The following ARID3A variants were observed in gnomAD, a reference collection of about 807,000 sequenced individuals.
ARID3A encodes the protein AT-rich interaction domain 3A, also known as AT-rich interactive domain-containing protein 3A.
In ARID3A, 11 loss-of-function variants were observed where a neutral mutation model predicts 52.7. The observed-to-expected ratio is 0.21, with a 90% CI of 0.13 to 0.35. ARID3A has a LOEUF of 0.35. ARID3A is among the 10% of genes least tolerant of loss of function. ARID3A has a pLI of 1.00. For synonymous variants in ARID3A, 404 were observed against 359.4 expected (o/e 1.12, Z -1.40); for missense variants, 721 against 838.5 (o/e 0.86, Z 1.73).
intron 3 of ARID3A, among the ~76,000 whole-genome samples, chr19:952,983 T>C (rs972030041): frequency 3.3e-4 from 50 of 152,296 alleles, no homozygotes; most frequent in African/African-American, 1.1e-3. Context: ...AGGGGCCGCA[T>C]GTGCTGGCCC....
At position 929,433 on chromosome 19, in the gene ARID3A, C is replaced by T. The variant is rs1336855384; in HGVS notation, c.-96C>T. ...CGCGGCCCCCACGCTGCAGTGCGGC[C>T]GGGCCCCCTCCCCGCAGGGGCCGCC... On this transcript the variant is annotated 5_prime_UTR_variant, in exon 2 of 9. Coordinates refer to ENST00000263620, the MANE Select transcript of ARID3A (RefSeq NM_005224.3). The surrounding 1 kb of genome is among the most constrained non-coding windows in gnomAD (Gnocchi z 6.2). 4.9e-6 allele frequency: 6 copies of T among 1,233,360 alleles called. No individual in the cohort carries two copies. Among genetic ancestry groups the T allele is most frequent in the Admixed American group, 4.2e-5 (1 of 24,030 alleles). The allele number at this position is 1,233,360 out of a possible 1,614,324, so 76.4% of individuals were successfully genotyped here. A position where few individuals can be genotyped will look rare whatever the true frequency, so the allele number is the denominator to read the frequency against.
chr19:948,322 C>T (rs891078905), intron 3 of ARID3A, among the ~76,000 whole-genome samples: 7 of 152,018 alleles, frequency 4.6e-5, no homozygotes, highest in Non-Finnish European at 8.8e-5. Context: ...CTGACAGCCC[C>T]GTGTGGCTGG....
chr19:961,134 G>A (rs1313740288), intron 4 of ARID3A, among the ~76,000 whole-genome samples: 1 of 152,242 alleles, frequency 6.6e-6, no homozygotes. Context: ...GTTCAGACGG[G>A]GGAGGAGGCC....
At position 941,707 on chromosome 19, in the gene ARID3A, C is replaced by T. The variant is rs1042579198; in HGVS notation, c.693+8965C>T. On this transcript the variant is annotated intron_variant, in intron 3 of 8. Coordinates refer to ENST00000263620, the MANE Select transcript of ARID3A (RefSeq NM_005224.3). The surrounding 1 kb of genome is among the most constrained non-coding windows in gnomAD (Gnocchi z 6.9). ...GCTCAAGTGATCCTCCCGCCTCGGT[C>T]TCTGAAAGTGCTGGGATTACAGGCG... Among the ~76,000 whole-genome samples the T allele has an allele frequency of 1.3e-5, 2 of 152,078 alleles. No individual in the cohort carries two copies. Among genetic ancestry groups the T allele is most frequent in the African/African-American group, 4.8e-5 (2 of 41,380 alleles).
intron 2 of ARID3A, among the ~76,000 whole-genome samples, chr19:932,120 C>G (rs1477745853): frequency 1.3e-5 from 2 of 152,138 alleles, no homozygotes; most frequent in Non-Finnish European, 2.9e-5. Flanking sequence ...CTTGGCCTCC[C>G]AGAGTGCTGC....
intron 4 of ARID3A, among the ~76,000 whole-genome samples, chr19:963,729 C>T (rs1430616443): frequency 6.6e-6 from 1 of 152,180 alleles, no homozygotes; most frequent in Non-Finnish European, 1.5e-5. Flanking sequence ...AGCCCAACCC[C>T]CCATGTCGGG....
Position 960,169 on chromosome 19 carries a change from G to GC in ARID3A, c.766+8dup. ...TCAGCTTCATGCAGAAGCGAGGTGA[G>GC]CCCTCTGCCCCCACCCCGCTGGAGG... is the stretch of plus-strand genomic sequence containing the variant. On this transcript the variant is annotated splice_donor_region_variant and intron_variant, in intron 4 of 8. Coordinates refer to ENST00000263620, the MANE Select transcript of ARID3A (RefSeq NM_005224.3). This position sits in a 1 kb window ranked among gnomAD's most constrained non-coding sequence, Gnocchi z 4.3. 1 of 1,608,974 alleles carries GC rather than the reference G, an allele frequency of 6.2e-7. No individual in the cohort carries two copies. Among genetic ancestry groups the GC allele is most frequent in the Non-Finnish European group, 8.5e-7 (1 of 1,176,930 alleles).
At chr19:957,971 G>A (rs555730510) in intron 3 of ARID3A, 1 of 152,024 alleles carries the variant, frequency 6.6e-6, no homozygotes, top group African/African-American at 2.4e-5. Context: ...AATTAGCTGG[G>A]CATAGTGGCA....
intron 4 of ARID3A, among the ~76,000 whole-genome samples, chr19:963,241 G>A (rs1191460347): frequency 6.6e-6 from 1 of 152,226 alleles, no homozygotes; most frequent in Non-Finnish European, 1.5e-5. Flanking sequence ...CCCACCCCAT[G>A]GTGAGTGGGC....
In ARID3A at chr19:941,173, C is replaced by T. The variant is rs934896489; in HGVS notation, c.693+8431C>T. Among the ~76,000 whole-genome samples, 2 of 152,236 alleles carry T rather than the reference C, an allele frequency of 1.3e-5. No homozygotes were observed. The highest frequency in any genetic ancestry group is 6.5e-5 in the Admixed American group (1 of 15,288). On this transcript the variant is annotated intron_variant, in intron 3 of 8. Coordinates refer to ENST00000263620, the MANE Select transcript of ARID3A (RefSeq NM_005224.3). The surrounding 1 kb of genome is among the most constrained non-coding windows in gnomAD (Gnocchi z 6.9). ...CACGCGGCAGCCCGAGGGAGCGGTGCCCGCAGGCAGAGAGTGTCCCCGCGT... is the reference window on the plus strand; with the variant it reads ...CACGCGGCAGCCCGAGGGAGCGGTGTCCGCAGGCAGAGAGTGTCCCCGCGT...
intron 8 of ARID3A, among the ~76,000 whole-genome samples, chr19:969,571 G>A (rs1196570956): frequency 1.3e-5 from 2 of 151,264 alleles, no homozygotes; most frequent in East Asian, 1.9e-4. Context: ...TAGATATATC[G>A]ATAGATATAG....
rs555364574 is a variant in ARID3A at position 975,374 on chromosome 19, C to T, written c.*3309C>T. On this transcript the variant is annotated 3_prime_UTR_variant, in exon 9 of 9. Coordinates refer to ENST00000263620, the MANE Select transcript of ARID3A (RefSeq NM_005224.3). ...GAGGGTGGGCACGGGGCACGGGGGG[C>T]AGCTGGGGTCGTTGTTAAGGGTCAC... is the stretch of plus-strand genomic sequence containing the variant. 707 of 231,290 alleles carry T rather than the reference C, an allele frequency of 3.1e-3. 2 individuals are homozygous for T. The highest frequency in any genetic ancestry group is 4.9e-3 in the Non-Finnish European group (573 of 116,804). The allele number at this position is 231,290 out of a possible 1,614,324, so 14.3% of individuals were successfully genotyped here.
In ARID3A at chr19:964,192, T is replaced by A; in HGVS notation, c.767-56T>A. The A allele has an allele frequency of 6.7e-7, 1 of 1,486,778 alleles. No individual in the cohort carries two copies. The highest frequency in any genetic ancestry group is 9.2e-7 in the Non-Finnish European group (1 of 1,084,434). The allele number at this position is 1,486,778 out of a possible 1,614,324, so 92.1% of individuals were successfully genotyped here. A position where few individuals can be genotyped will look rare whatever the true frequency, so the allele number is the denominator to read the frequency against. On this transcript the variant is annotated intron_variant, in intron 4 of 8. Transcript: ENST00000263620. This position sits in a 1 kb window ranked among gnomAD's most constrained non-coding sequence, Gnocchi z 5.7. ...ATGGAGAGGGCGGAGGCCAGGACAC[T>A]CGGCTCCCTGCAGTGCCCAGGTGGC...
At chr19:935,470 G>A (rs1298131923) in intron 3 of ARID3A, among the ~76,000 whole-genome samples, 2 of 152,168 alleles carry the variant, frequency 1.3e-5, no homozygotes, top group Non-Finnish European at 2.9e-5. Context: ...GCCACGGTAG[G>A]ATTTTATTGG....
intron 1 of ARID3A, among the ~76,000 whole-genome samples, chr19:927,340 C>T (rs2145335186): frequency 1.7e-5 from 2 of 117,700 alleles, no homozygotes; most frequent in East Asian, 2.6e-4. Flanking sequence ...AGGGGGTGGG[C>T]GTAGCTAGTT....
At chr19:950,707 G>C (rs867808665) in intron 3 of ARID3A, among the ~76,000 whole-genome samples, 1 of 152,228 alleles carries the variant, frequency 6.6e-6, no homozygotes, top group South Asian at 2.1e-4. Flanking sequence ...CTTGGAGGCT[G>C]CTGGAAGGAG....
At chr19:969,847 C>A (rs1043283277) in intron 8 of ARID3A, among the ~76,000 whole-genome samples, 1 of 148,392 alleles carries the variant, frequency 6.7e-6, no homozygotes, top group Non-Finnish European at 1.5e-5. Flanking sequence ...TGTCACCACA[C>A]CCAGCTAATT....
At chr19:957,451 C>T (rs1275518334) in intron 3 of ARID3A, among the ~76,000 whole-genome samples, 5 of 152,218 alleles carry the variant, frequency 3.3e-5, no homozygotes, top group Non-Finnish European at 5.9e-5. Context: ...CGCTCCCGTC[C>T]GACCCTCAGG....
intron 1 of ARID3A, among the ~76,000 whole-genome samples, chr19:927,230 C>T (rs532758143): frequency 7.3e-4 from 111 of 152,234 alleles, no homozygotes; most frequent in Non-Finnish European, 1.2e-3. Flanking sequence ...CCTGCCTGGT[C>T]CAACGACCAC....
Sources: gnomAD v4.1 joint callset for allele counts (sites outside exome capture counted in the v4.1 genomes callset) on GRCh38, gnomAD v4.1.1 for gene constraint, Gnocchi (gnomAD v3.1) non-coding constraint, MANE v1.5 for transcripts, NCBI Gene and HGNC (gene_info 2026-07-23, HGNC 2026-07-21) for gene names.